The following RBFOX1 variants were observed in gnomAD, a reference collection of about 807,000 sequenced individuals.
The protein encoded by RBFOX1 is RNA binding protein fox-1 homolog 1.
In RBFOX1, 8 loss-of-function variants were observed where a neutral mutation model predicts 57.7. The observed-to-expected ratio is 0.14, with a 90% confidence interval of 0.08 to 0.25. The LOEUF (loss-of-function observed/expected upper bound fraction) is 0.25. RBFOX1 is among the 10% of genes least tolerant of loss of function. The probability of loss-of-function intolerance (pLI) is 1.00; values close to 1 mark genes in which losing one functional copy is unlikely to be tolerated. For synonymous variants in RBFOX1, 326 were observed against 222.4 expected, an observed-to-expected ratio of 1.47 and a Z score of -4.15; for missense variants, 611 against 548.5, an observed-to-expected ratio of 1.11 and a Z score of -1.14.
chr16:6,605,514 G>A (rs1174887198), intron 2 of RBFOX1, among the ~76,000 whole-genome samples: 1 of 152,178 alleles, frequency 6.6e-6, no homozygotes. Flanking sequence ...AGAAATGACA[G>A]CATTTTGGCC....
intron 4 of RBFOX1, among the ~76,000 whole-genome samples, chr16:7,304,917 TG>T (rs2096137744): frequency 1.5e-3 from 1 of 662 alleles, no homozygotes; most frequent in Non-Finnish European, 2.4e-3. Flanking sequence ...TGTGGTGTGG[TG>T]TGTGTGTGTG....
intron 4 of RBFOX1, among the ~76,000 whole-genome samples, chr16:5,958,349 A>G (rs910465092): frequency 2.0e-5 from 3 of 152,144 alleles, no homozygotes; most frequent in African/African-American, 7.2e-5. Context: ...GGATGTGGAG[A>G]TAAGCCTCCT....
chr16:6,072,618 T>TA (rs200480660), intron 1 of RBFOX1, among the ~76,000 whole-genome samples: 122 of 125,954 alleles, frequency 9.7e-4, no homozygotes, highest in African/African-American at 4.4e-3. Context: ...CCAACAATTG[T>TA]TTTTTTTTTT....
intron 11 of RBFOX1, among the ~76,000 whole-genome samples, chr16:7,636,232 C>G (rs535343989): frequency 6.6e-6 from 1 of 152,254 alleles, no homozygotes; most frequent in Non-Finnish European, 1.5e-5. Flanking sequence ...TGGTTCCCTT[C>G]CAGCATGCTT....
intron 4 of RBFOX1, among the ~76,000 whole-genome samples, chr16:7,214,853 C>G (rs145129001): frequency 7.2e-5 from 11 of 152,206 alleles, no homozygotes; most frequent in African/African-American, 2.6e-4. Context: ...ATGGGATAGT[C>G]TGGGTGTCTG....
chr16:7,207,770 C>T (rs1205163248), intron 4 of RBFOX1, among the ~76,000 whole-genome samples: 7 of 152,140 alleles, frequency 4.6e-5, no homozygotes, highest in African/African-American at 7.2e-5. Flanking sequence ...CCTGTTGCAC[C>T]CAGTTCATGT....
At chr16:6,259,402 G>A (rs1398237018) in intron 1 of RBFOX1, among the ~76,000 whole-genome samples, 1 of 152,106 alleles carries the variant, frequency 6.6e-6, no homozygotes, top group Non-Finnish European at 1.5e-5. Context: ...AGTGAAATAA[G>A]CTGCCTTCTT....
At chr16:7,127,596 G>A (rs951764848) in intron 4 of RBFOX1, among the ~76,000 whole-genome samples, 1 of 152,170 alleles carries the variant, frequency 6.6e-6, no homozygotes, top group African/African-American at 2.4e-5. Flanking sequence ...TCTGTATCAT[G>A]GTGTGAATAA....
intron 5 of RBFOX1, among the ~76,000 whole-genome samples, chr16:7,549,505 A>G (rs1337616117): frequency 6.6e-6 from 1 of 152,156 alleles, no homozygotes; most frequent in Non-Finnish European, 1.5e-5. Flanking sequence ...TCACGTGATT[A>G]CAATAGGTCG....
intron 2 of RBFOX1, among the ~76,000 whole-genome samples, chr16:6,541,498 G>A (rs573286212): frequency 2.6e-5 from 4 of 152,196 alleles, no homozygotes; most frequent in South Asian, 4.1e-4. Flanking sequence ...GATGACAACA[G>A]TGTCACATCA....
intron 1 of RBFOX1, among the ~76,000 whole-genome samples, chr16:5,408,042 C>T (rs2066912445): frequency 6.6e-6 from 1 of 152,154 alleles, no homozygotes. Context: ...GCTGAGGGCC[C>T]TGCAGGCTGA....
At chr16:6,411,508 A>G (rs1457268497) in intron 2 of RBFOX1, among the ~76,000 whole-genome samples, 1 of 152,234 alleles carries the variant, frequency 6.6e-6, no homozygotes, top group Non-Finnish European at 1.5e-5. Flanking sequence ...TTTGAACTTC[A>G]TAAATATTAA....
intron 3 of RBFOX1, among the ~76,000 whole-genome samples, chr16:6,806,227 T>G (rs372178592): frequency 5.9e-5 from 9 of 152,334 alleles, no homozygotes; most frequent in African/African-American, 2.2e-4. Flanking sequence ...TGTTGTTCTA[T>G]AGCCAGTATT....
At chr16:7,249,630 G>C (rs2094437197) in intron 4 of RBFOX1, among the ~76,000 whole-genome samples, 1 of 149,946 alleles carries the variant, frequency 6.7e-6, no homozygotes. Flanking sequence ...TAAGAATAAT[G>C]AAAGGGCTGA....
chr16:6,351,953 A>G (rs1371763941), intron 2 of RBFOX1, among the ~76,000 whole-genome samples: 2 of 152,178 alleles, frequency 1.3e-5, no homozygotes, highest in Non-Finnish European at 2.9e-5. Context: ...GTATAAATGC[A>G]CAGAATTTAT....
intron 3 of RBFOX1, among the ~76,000 whole-genome samples, chr16:6,913,812 TA>T (rs1262899824): frequency 1.3e-5 from 2 of 152,188 alleles, no homozygotes; most frequent in East Asian, 3.9e-4. Context: ...GCAGGCATGC[TA>T]AACTACTTCC....
intron 3 of RBFOX1, among the ~76,000 whole-genome samples, chr16:7,016,626 G>A (rs752491165): frequency 1.3e-4 from 20 of 152,158 alleles, no homozygotes; most frequent in Non-Finnish European, 2.2e-4. Flanking sequence ...TGGTGGATGT[G>A]GAAACAGGCG....
chr16:6,857,559 C>G (rs1320994256), intron 3 of RBFOX1, among the ~76,000 whole-genome samples: 1 of 152,158 alleles, frequency 6.6e-6, no homozygotes, highest in Non-Finnish European at 1.5e-5. Context: ...CAATTCAAGG[C>G]TGCTTCAAGC....
chr16:6,757,013 A>G (rs1349283178), intron 3 of RBFOX1, among the ~76,000 whole-genome samples: 1 of 118,836 alleles, frequency 8.4e-6, no homozygotes, highest in Non-Finnish European at 1.8e-5. Context: ...CAAACAAACA[A>G]AAAACATACA....
Sources: gnomAD v4.1 joint callset for allele counts (sites outside exome capture counted in the v4.1 genomes callset) on GRCh38, gnomAD v4.1.1 for gene constraint, MANE v1.5 for transcripts, NCBI Gene and HGNC (gene_info 2026-07-23, HGNC 2026-07-21) for gene names.